DCAF11: variants seen among roughly 807,000 people sequenced by gnomAD.
DCAF11 encodes DDB1 and CUL4 associated factor 11.
A neutral mutation model predicts 76.1 loss-of-function variants in DCAF11; 44 were observed. The observed-to-expected ratio is 0.58, with a 90% CI of 0.45 to 0.74. DCAF11 has a LOEUF of 0.74. Among genes scored for constraint, DCAF11 ranks in the 30% least tolerant of loss-of-function variants. The pLI, the probability that DCAF11 is intolerant of heterozygous loss-of-function variation, is 0.00. For synonymous variants in DCAF11, 258 were observed against 255.0 expected, an observed-to-expected ratio of 1.01 and a Z score of -0.11; for missense variants, 604 against 709.4, an observed-to-expected ratio of 0.85 and a Z score of 1.69.
chr14:24,117,488 T>C lies in DCAF11; in HGVS notation c.411+95T>C. 1.3e-6 allele frequency: 2 copies of C among 1,580,468 alleles called. No individual in the cohort carries two copies. The highest frequency in any genetic ancestry group is 1.7e-6 in the Non-Finnish European group (2 of 1,162,008). ...GAAAAAGGAAGTCAACTTTCCAAAG[T>C]AGAAGCCTCAAGCGCTGGGGCTGGA... On this transcript the variant is annotated intron_variant, in intron 4 of 14. Transcript: ENST00000446197. This position sits in a 1 kb window ranked among gnomAD's most constrained non-coding sequence, Gnocchi z 4.3.
chr14:24,120,983 C>A lies in DCAF11; in HGVS notation c.1238C>A (p.Pro413His). ...TGGGACTATCGGTGGCAGCAAGTGC[C>A]CAAAAAAGGTGAGACTGGAAGTACA... ...QNWDYRWQQVPKKAWRKLKLP... is the reference protein window; with the variant it reads ...QNWDYRWQQVHKKAWRKLKLP... The change falls in exon 12 of 15, where the codon CCC becomes CAC. Residue 413 changes from proline to histidine, a missense_variant. Coordinates refer to ENST00000446197, the MANE Select transcript of DCAF11 (RefSeq NM_025230.5). 6.2e-7 allele frequency: 1 copy of A among 1,613,698 alleles called. No individual in the cohort carries two copies. Among genetic ancestry groups the A allele is most frequent in the Non-Finnish European group, 8.5e-7 (1 of 1,179,894 alleles).
At position 24,121,472 on chromosome 14, in the gene DCAF11, G is replaced by A. The variant is rs1476978968; in HGVS notation, c.1354G>A (p.Gly452Ser). The change falls in exon 13 of 15, where the codon GGC (glycine) becomes AGC (serine). Residue 452 changes from glycine (G) to serine (S), a missense_variant. Physicochemically the swap from Gly to Ser is moderately conservative, Grantham distance 56. Coordinates refer to ENST00000446197, the MANE Select transcript of DCAF11 (RefSeq NM_025230.5). ...CCGGTTCTCCCCCATTCATAGCACTGGCCAGCAGTTCATCTACAGTGGCTG... is the reference window on the plus strand; with the variant it reads ...CCGGTTCTCCCCCATTCATAGCACTAGCCAGCAGTTCATCTACAGTGGCTG... ...RCRFSPIHST[G>S]QQFIYSGCST... is the part of the protein sequence containing the mutation. 1 of 1,614,052 alleles carries A rather than the reference G, an allele frequency of 6.2e-7. No individual in the cohort carries two copies. Among genetic ancestry groups the A allele is most frequent in the East Asian group, 2.2e-5 (1 of 44,886 alleles).
chr14:24,115,920 C>T lies in DCAF11; in HGVS notation c.155+171C>T, dbSNP rs577956601. Among the ~76,000 whole-genome samples the T allele has an allele frequency of 2.0e-5, 3 of 152,274 alleles. No individual in the cohort carries two copies. The South Asian group carries it at 6.2e-4, about 32-fold the overall frequency. ...CACCCATGGCACTCAGCTCCATACC[C>T]AGTAAGAGTGGTTCTTACCTAGGGA... On this transcript the variant is annotated intron_variant, in intron 2 of 14. Transcript: ENST00000446197.
Position 24,115,521 on chromosome 14 carries a change from C to G in DCAF11, c.-74C>G, listed in dbSNP as rs998705492. ...GAGACCCTGGTATTTCTAGAGCACGCTTTGCTTTCACCAAACCCAAGGAGG... is the reference window on the plus strand; with the variant it reads ...GAGACCCTGGTATTTCTAGAGCACGGTTTGCTTTCACCAAACCCAAGGAGG... On this transcript the variant is annotated 5_prime_UTR_variant, in exon 2 of 15. Coordinates refer to ENST00000446197, the MANE Select transcript of DCAF11 (RefSeq NM_025230.5). 2.7e-5 allele frequency: 41 copies of G among 1,525,646 alleles called. 1 individual carries two copies. Among genetic ancestry groups the G allele is most frequent in the East Asian group, 1.4e-4 (6 of 43,560 alleles). 94.5% of individuals were successfully genotyped at this position (1,525,646 alleles called of 1,614,324 possible). A position where few individuals can be genotyped will look rare whatever the true frequency, so the allele number is the denominator to read the frequency against.
Position 24,118,483 on chromosome 14 carries a change from GCCTTCACC to G in DCAF11, c.677_684del (p.Phe226Ter). ...CGTAGGCTGGAGCGTCTTGGATGTGGCCTTCACCCCTGATGGGAACCACTTCCTCTACT... is the reference window on the plus strand; with the variant it reads ...CGTAGGCTGGAGCGTCTTGGATGTGGCCTGATGGGAACCACTTCCTCTACT... On this transcript the variant is annotated frameshift_variant, in exon 7 of 15. Coordinates refer to ENST00000446197, the MANE Select transcript of DCAF11 (RefSeq NM_025230.5). LOFTEE classifies it high-confidence loss of function. 6.2e-7 allele frequency: 1 copy of G among 1,614,162 alleles called. No individual in the cohort carries two copies.
Position 24,118,551 on chromosome 14 carries a change from C to T in DCAF11, c.724+17C>T. 3 of 1,610,018 alleles carry T rather than the reference C, an allele frequency of 1.9e-6. No homozygotes were observed. Among genetic ancestry groups the T allele is most frequent in the Non-Finnish European group, 2.5e-6 (3 of 1,176,696 alleles). ...CTGATTACAGTGAGTATGCACCAGGCTTCCACTGACTCTCCAGCCTGGGAC... is the reference window on the plus strand; with the variant it reads ...CTGATTACAGTGAGTATGCACCAGGTTTCCACTGACTCTCCAGCCTGGGAC... On this transcript the variant is annotated intron_variant, in intron 7 of 14. Transcript: ENST00000446197.
rs1440991756 is a variant in DCAF11 at position 24,116,933 on chromosome 14, G to T, written c.172G>T (p.Val58Leu). The change falls in exon 3 of 15, where the codon GTG (valine) becomes TTG (leucine). Residue 58 changes from valine to leucine, a missense_variant. Physicochemically the swap from Val to Leu is conservative, Grantham distance 32. Coordinates refer to ENST00000446197, the MANE Select transcript of DCAF11 (RefSeq NM_025230.5). ...TCTCCACAGAGGCCAAGTGAGGTTG[G>T]TGCAGGGAGGAGGTGCAGCAAATTT... is the stretch of plus-strand genomic sequence containing the variant. ...YLLRRGQVRL[V>L]QGGGAANLQF... The T allele has an allele frequency of 6.2e-7, 1 of 1,614,156 alleles. No homozygotes were observed. Among genetic ancestry groups the T allele is most frequent in the Non-Finnish European group, 8.5e-7 (1 of 1,180,012 alleles).
intron 11 of DCAF11, among the ~76,000 whole-genome samples, chr14:24,120,450 A>C (rs1392669398): frequency 6.6e-6 from 1 of 152,038 alleles, no homozygotes; most frequent in Admixed American, 6.6e-5. Context: ...CCATCTACTC[A>C]AGAGGCTGAG....
rs113445360 is a variant in DCAF11 at position 24,119,534 on chromosome 14, C to G, written c.849-25C>G. Reference sequence around the variant, plus strand: ...GGTCCTCTCGATCATGGCTCCAGGACCCTCCTTTATCCCTTCCCTTTCAGG... The same window carrying G: ...GGTCCTCTCGATCATGGCTCCAGGAGCCTCCTTTATCCCTTCCCTTTCAGG... On this transcript the variant is annotated intron_variant, in intron 9 of 14. Transcript: ENST00000446197. The G allele has an allele frequency of 8.1e-6, 13 of 1,614,154 alleles. No individual in the cohort carries two copies. The African/African-American group carries it at 1.3e-4, about 17-fold the overall frequency.
chr14:24,120,005 G>T, intron 11 of DCAF11, 109 bp downstream of exon 11: 1 of 1,345,864 alleles, frequency 7.4e-7, no homozygotes, highest in Admixed American at 2.8e-5. Flanking sequence ...ATTAACCAAG[G>T]TTTGTAAGAG....
chr14:24,122,513 GAAA>G, intron 13 of DCAF11, among the ~76,000 whole-genome samples: 1 of 142,392 alleles, frequency 7.0e-6, no homozygotes, highest in East Asian at 2.0e-4. Context: ...AAAAGAAAAA[GAAA>G]AAAAAAACCA....
rs772477569 is a variant in DCAF11, at chr14:24,117,018, G to A, written c.257G>A (p.Arg86His). ...EEENDRAWDG[R>H]LGDRYNPPVD... ...GAGAATGACAGAGCTTGGGATGGTC[G>A]TCTTGGGGATCGATACAACCCACCT... The change falls in exon 3 of 15, where the codon CGT (arginine) becomes CAT (histidine). Residue 86 changes from arginine (R) to histidine (H), a missense_variant. Coordinates refer to ENST00000446197, the MANE Select transcript of DCAF11 (RefSeq NM_025230.5). The surrounding 1 kb of genome is among the most constrained non-coding windows in gnomAD (Gnocchi z 4.3). 15 of 1,614,092 alleles carry A rather than the reference G, an allele frequency of 9.3e-6. No individual in the cohort carries two copies. The highest frequency in any genetic ancestry group is 4.5e-5 in the East Asian group (2 of 44,902).
At position 24,119,742 on chromosome 14, in the gene DCAF11, T is replaced by A; in HGVS notation, c.938T>A (p.Val313Glu). 1 of 1,614,252 alleles carries A rather than the reference T, an allele frequency of 6.2e-7. No individual in the cohort carries two copies. The highest frequency in any genetic ancestry group is 1.1e-5 in the South Asian group (1 of 91,084). Residue 313 changes from valine to glutamate, a missense_variant, in exon 11 of 15, where the codon GTG (valine) becomes GAG (glutamate). Physicochemically the swap from Val to Glu is moderately radical, Grantham distance 121 (BLOSUM62 -2). Coordinates refer to ENST00000446197, the MANE Select transcript of DCAF11 (RefSeq NM_025230.5). Reference protein sequence around the residue: ...IESHEDDVNAVAFADISSQIL... With the variant: ...IESHEDDVNAEAFADISSQIL... ...TCCCATGAGGATGATGTGAATGCAG[T>A]GGCCTTTGCTGATATAAGCTCCCAA...
In DCAF11 at chr14:24,118,521, C is replaced by T; in HGVS notation, c.711C>T (p.Ser237=). The part of the protein sequence containing the change: ...TPDGNHFLYS[S]WSDYIHICNI... ...ATGGGAACCACTTCCTCTACTCTAG[C>T]TGGTCTGATTACAGTGAGTATGCAC... Residue 237 remains serine, a synonymous_variant, in exon 7 of 15, where the codon AGC becomes AGT. Coordinates refer to ENST00000446197, the MANE Select transcript of DCAF11 (RefSeq NM_025230.5). The T allele has an allele frequency of 6.2e-7, 1 of 1,614,192 alleles. No individual in the cohort carries two copies. The highest frequency in any genetic ancestry group is 8.5e-7 in the Non-Finnish European group (1 of 1,180,020).
In DCAF11 at chr14:24,114,808, C is replaced by T. The variant is rs1476590076; in HGVS notation, c.-699C>T. 6.1e-6 allele frequency: 6 copies of T among 985,862 alleles called. No individual in the cohort carries two copies. The highest frequency in any genetic ancestry group is 7.2e-6 in the Non-Finnish European group (6 of 829,968). 61.1% of individuals were successfully genotyped at this position (985,862 alleles called of 1,614,324 possible). A position where few individuals can be genotyped will look rare whatever the true frequency, so the allele number is the denominator to read the frequency against. On this transcript the variant is annotated 5_prime_UTR_variant, in exon 1 of 15. Transcript: ENST00000446197. ...CGTTTGCAGCCCGCCGGCCAGGAAG[C>T]CGCGAGATGCGTGACGAGCGAAGCG...
At position 24,119,787 on chromosome 14, in the gene DCAF11, A is replaced by G; in HGVS notation, c.983A>G (p.Asp328Gly). The change falls in exon 11 of 15, where the codon GAT becomes GGT. Residue 328 changes from aspartate (D) to glycine (G), a missense_variant. Asp to Gly is a moderately conservative substitution (Grantham distance 94, BLOSUM62 -1). Transcript: ENST00000446197. ...TCCCAAATCCTGTTCTCTGGGGGAG[A>G]TGATGCCATCTGCAAAGTGTGGGAT... The part of the protein sequence containing the change: ...ISSQILFSGG[D>G]DAICKVWDRR... 1 of 1,614,220 alleles carries G rather than the reference A, an allele frequency of 6.2e-7. No individual in the cohort carries two copies. The highest frequency in any genetic ancestry group is 8.5e-7 in the Non-Finnish European group (1 of 1,180,040).
Position 24,119,890 on chromosome 14 carries a change from C to T in DCAF11, c.1086C>T (p.Asp362=), listed in dbSNP as rs1020467902. ...AGHQDGITFI[D]SKGDARYLIS... is the part of the protein sequence containing the mutation. Reference sequence around the variant, plus strand: ...ACCAGGATGGCATCACCTTCATTGACAGCAAGGTGGGCCAGAAGTCAGGAC... The same window carrying T: ...ACCAGGATGGCATCACCTTCATTGATAGCAAGGTGGGCCAGAAGTCAGGAC... The change falls in exon 11 of 15, where the codon GAC becomes GAT. Residue 362 remains aspartate, a synonymous_variant. Transcript: ENST00000446197. 1.2e-6 allele frequency: 2 copies of T among 1,610,720 alleles called. No individual in the cohort carries two copies. The highest frequency in any genetic ancestry group is 2.7e-5 in the African/African-American group (2 of 74,860).
chr14:24,118,661 C>T (rs776192520), intron 7 of DCAF11, 89 bp from the exon 8 acceptor site: 10 of 1,597,178 alleles, frequency 6.3e-6, no homozygotes, highest in Non-Finnish European at 8.6e-6. Flanking sequence ...CTCCAGTACC[C>T]TTGTCCCCTG....
In DCAF11 at chr14:24,124,276, A is replaced by G. The variant is rs1287745062; in HGVS notation, c.*967A>G. Reference sequence around the variant, plus strand: ...TAGATATCGAGAGAGCACACTTTCCATTAGAGCCTGGTAATACCCATATCA... The same window carrying G: ...TAGATATCGAGAGAGCACACTTTCCGTTAGAGCCTGGTAATACCCATATCA... On this transcript the variant is annotated 3_prime_UTR_variant, in exon 15 of 15. Transcript: ENST00000446197. 1 of 152,266 alleles carries G rather than the reference A, an allele frequency of 6.6e-6. No homozygotes were observed. Among genetic ancestry groups the G allele is most frequent in the Non-Finnish European group, 1.5e-5 (1 of 68,052 alleles). 9.4% of individuals were successfully genotyped at this position (152,266 alleles called of 1,614,324 possible).
Sources: gnomAD v4.1 joint callset for allele counts (sites outside exome capture counted in the v4.1 genomes callset) on GRCh38, gnomAD v4.1.1 for gene constraint, Gnocchi (gnomAD v3.1) non-coding constraint, MANE v1.5 for transcripts, NCBI Gene and HGNC (gene_info 2026-07-23, HGNC 2026-07-21) for gene names.